Variants in INAVA observed in about 807,000 individuals in gnomAD.
INAVA encodes innate immunity activator.
INAVA carries 32 observed loss-of-function variants against 55.3 expected under a neutral mutation model. That is an observed-to-expected ratio of 0.58 (90% CI 0.44 to 0.78). The LOEUF (loss-of-function observed/expected upper bound fraction) is 0.78, where lower values mean the gene tolerates loss of function less well. INAVA is among the 30% of genes least tolerant of loss of function. The pLI, the probability that INAVA is intolerant of heterozygous loss-of-function variation, is 0.00. For missense variants in INAVA, 756 were observed against 786.4 expected, an observed-to-expected ratio of 0.96 and a Z score of 0.46; for synonymous variants, 294 against 329.4, an observed-to-expected ratio of 0.89 and a Z score of 1.16.
chr1:200,899,726 TG>T lies in INAVA; in HGVS notation c.180+133del, dbSNP rs1653148217. 44 of 1,376,090 alleles carry T rather than the reference TG, an allele frequency of 3.2e-5. 1 individual carries two copies. In the South Asian group the frequency reaches 5.9e-4, roughly 18 times the overall value. 85.2% of individuals were successfully genotyped at this position (1,376,090 alleles called of 1,614,324 possible). On this transcript the variant is annotated intron_variant, in intron 3 of 9. Coordinates refer to ENST00000413687, the MANE Select transcript of INAVA (RefSeq NM_001142569.3). ...GAATTCTGGACATCAGGCTGGGGGCTGGGGCCCAGAGTCCCCATGATGCAGT... is the reference window on the plus strand; with the variant it reads ...GAATTCTGGACATCAGGCTGGGGGCTGGGCCCAGAGTCCCCATGATGCAGT...
chr1:200,906,113 A>G (rs557689747), intron 5 of INAVA: 1 of 152,370 alleles, frequency 6.6e-6, no homozygotes, highest in African/African-American at 2.4e-5. Flanking sequence ...TTAGAAATGT[A>G]TTGGCACAGT....
At chr1:200,893,709 T>A (rs529791056), upstream of INAVA, among the ~76,000 whole-genome samples, 1 of 152,188 alleles carries the variant, frequency 6.6e-6, no homozygotes, top group South Asian at 2.1e-4. Context: ...AAAAAGGGTG[T>A]GTACAGGAAT....
intron 9 of INAVA, among the ~76,000 whole-genome samples, chr1:200,913,160 C>G (rs559718821): frequency 3.9e-4 from 59 of 152,248 alleles, no homozygotes; most frequent in African/African-American, 1.4e-3. Flanking sequence ...ACCCTGGCCC[C>G]GGTCCGAGGC....
At chr1:200,907,754 C>T in intron 5 of INAVA, 80 bp from the exon 6 acceptor site, 1 of 1,170,122 alleles carries the variant, frequency 8.5e-7, no homozygotes, top group Non-Finnish European at 1.3e-6. Context: ...CAGGCCTGAG[C>T]TGCTCAGCAC....
At chr1:200,908,708 C>G in intron 6 of INAVA, 22 bp from the exon 7 acceptor site, 1 of 1,526,288 alleles carries the variant, frequency 6.6e-7, no homozygotes, top group Non-Finnish European at 8.8e-7. Context: ...CTGGCCTTAC[C>G]AGGTTTCTTT....
At chr1:200,892,127 G>A (rs1306282487), upstream of INAVA, among the ~76,000 whole-genome samples, 1 of 152,174 alleles carries the variant, frequency 6.6e-6, no homozygotes, top group East Asian at 1.9e-4. Flanking sequence ...TAGTGGAGGC[G>A]AACACCTTTC....
chr1:200,900,099 C>T lies in INAVA; in HGVS notation c.181-5C>T. Reference sequence around the variant, plus strand: ...GGACCTGGCTGGTCTCTGCTTCCTCCCCAGGAGCTGACGGGCACCTTGCCA... The same window carrying T: ...GGACCTGGCTGGTCTCTGCTTCCTCTCCAGGAGCTGACGGGCACCTTGCCA... On this transcript the variant is annotated splice_region_variant and splice_polypyrimidine_tract_variant and intron_variant, in intron 3 of 9. Transcript: ENST00000413687. 6.2e-7 allele frequency: 1 copy of T among 1,608,838 alleles called. No individual in the cohort carries two copies. Among genetic ancestry groups the T allele is most frequent in the Non-Finnish European group, 8.5e-7 (1 of 1,177,406 alleles).
upstream of INAVA, among the ~76,000 whole-genome samples, chr1:200,893,854 T>C (rs190328100): frequency 1.8e-4 from 25 of 136,184 alleles, no homozygotes; most frequent in Non-Finnish European, 3.1e-4. Flanking sequence ...GGGTAGGGAG[T>C]GGGGACAGGA....
At chr1:200,896,232 C>T (rs1286174497) in intron 1 of INAVA, among the ~76,000 whole-genome samples, 1 of 152,116 alleles carries the variant, frequency 6.6e-6, no homozygotes, top group East Asian at 1.9e-4. Context: ...GGCTTCCCCT[C>T]CCACATTACT....
In INAVA at chr1:200,898,281, G is replaced by T. The variant is rs1362542847; in HGVS notation, c.-94-26G>T. On this transcript the variant is annotated intron_variant, in intron 1 of 9. Coordinates refer to ENST00000413687, the MANE Select transcript of INAVA (RefSeq NM_001142569.3). Reference sequence around the variant, plus strand: ...AAGATGGTTCATATCTAGCTTTTTTGTTATTGTTCTCTTTTCTCTTTAAAG... The same window carrying T: ...AAGATGGTTCATATCTAGCTTTTTTTTTATTGTTCTCTTTTCTCTTTAAAG... 13 of 1,598,796 alleles carry T rather than the reference G, an allele frequency of 8.1e-6. No homozygotes were observed. The Admixed American group carries it at 1.4e-4, about 18-fold the overall frequency.
intron 5 of INAVA, among the ~76,000 whole-genome samples, chr1:200,903,705 A>G (rs1653362460): frequency 6.6e-6 from 1 of 151,084 alleles, no homozygotes; most frequent in Non-Finnish European, 1.5e-5. Context: ...TCGGGAGGCT[A>G]AGGCAGGATA....
intron 5 of INAVA, 70 bp downstream of exon 5, chr1:200,901,229 C>T: frequency 7.3e-7 from 1 of 1,378,572 alleles, no homozygotes. Flanking sequence ...GCGCACAGCC[C>T]CGTGCCACTG....
rs373259689 is a variant in INAVA at position 200,900,839 on chromosome 1, G to C, written c.298-98G>C. 4.1e-5 allele frequency: 36 copies of C among 888,842 alleles called. 1 individual carries two copies. The highest frequency in any genetic ancestry group is 3.0e-4 in the East Asian group (11 of 36,740). 55.1% of individuals were successfully genotyped at this position (888,842 alleles called of 1,614,324 possible). ...GCCTCTCTTCTGTCCTCAGGGCTTA[G>C]GACTGGGACCTAGAGCACTGTGTCA... On this transcript the variant is annotated intron_variant, in intron 4 of 9. Coordinates refer to ENST00000413687, the MANE Select transcript of INAVA (RefSeq NM_001142569.3).
At chr1:200,904,448 C>G (rs1164903870) in intron 5 of INAVA, among the ~76,000 whole-genome samples, 1 of 152,176 alleles carries the variant, frequency 6.6e-6, no homozygotes, top group African/African-American at 2.4e-5. Context: ...ATACAGTAGC[C>G]ACTCGCTGCA....
Position 200,908,837 on chromosome 1 carries a change from A to G in INAVA, c.682A>G (p.Ser228Gly), listed in dbSNP as rs771397359. 3.1e-6 allele frequency: 5 copies of G among 1,613,976 alleles called. No homozygotes were observed. The highest frequency in any genetic ancestry group is 1.7e-5 in the Admixed American group (1 of 59,982). Residue 228 changes from serine (S) to glycine (G), a missense_variant, in exon 7 of 10, where the codon AGC becomes GGC. Coordinates refer to ENST00000413687, the MANE Select transcript of INAVA (RefSeq NM_001142569.3). ...GLQPTGPEAG[S>G]PERAPVQNSP... ...GCAGCCAACAGGACCTGAGGCTGGG[A>G]GCCCAGAACGGGCTCCAGTCCAGAA...
intron 5 of INAVA, among the ~76,000 whole-genome samples, chr1:200,903,486 T>G (rs1414234688): frequency 6.7e-6 from 1 of 149,598 alleles, no homozygotes; most frequent in Non-Finnish European, 1.5e-5. Context: ...AGACTTTGTC[T>G]CAAAAACAAA....
chr1:200,892,498 T>A (rs541089768), upstream of INAVA, among the ~76,000 whole-genome samples: 1 of 152,238 alleles, frequency 6.6e-6, no homozygotes, highest in Non-Finnish European at 1.5e-5. Flanking sequence ...ACGAAAACAC[T>A]GAAGAGGTCC....
intron 9 of INAVA, 79 bp downstream of exon 9, chr1:200,912,216 C>T: frequency 7.5e-7 from 1 of 1,326,112 alleles, no homozygotes; most frequent in Non-Finnish European, 1.0e-6. Flanking sequence ...CTAGTATGTC[C>T]AAGGGTACAG....
At chr1:200,891,758 C>A, upstream of INAVA, 1 of 1,291,538 alleles carries the variant, frequency 7.7e-7, no homozygotes. Context: ...GGGGATCGGG[C>A]CCCTGAACCC....
Sources: gnomAD v4.1 joint callset for allele counts (sites outside exome capture counted in the v4.1 genomes callset) on GRCh38, gnomAD v4.1.1 for gene constraint, MANE v1.5 for transcripts, NCBI Gene and HGNC (gene_info 2026-07-23, HGNC 2026-07-21) for gene names.